Variants in FAM185A observed in about 807,000 individuals in gnomAD.
The protein encoded by FAM185A is family with sequence similarity 185 member A.
Under a neutral mutation model 45.7 loss-of-function variants are expected in FAM185A, and 21 were observed. The observed-to-expected ratio is 0.46, with a 90% CI of 0.33 to 0.66. FAM185A has a LOEUF of 0.66. FAM185A is among the 30% of genes least tolerant of loss of function. The pLI is 0.03. For missense variants in FAM185A, 305 were observed against 485.4 expected, an observed-to-expected ratio of 0.63 and a Z score of 3.49; for synonymous variants, 117 against 194.0, an observed-to-expected ratio of 0.60 and a Z score of 3.30.
intron 2 of FAM185A, among the ~76,000 whole-genome samples, chr7:102,757,012 A>G (rs962085899): frequency 1.3e-5 from 2 of 149,134 alleles, no homozygotes; most frequent in Non-Finnish European, 3.0e-5. Flanking sequence ...TTGGAAAAAA[A>G]TGGATTTTGA....
intron 4 of FAM185A, among the ~76,000 whole-genome samples, chr7:102,769,291 T>C (rs1794600638): frequency 6.6e-6 from 1 of 151,658 alleles, no homozygotes; most frequent in Non-Finnish European, 1.5e-5. Context: ...ACTCTATAGG[T>C]CCCACTATAA....
the FAM185A span, among the ~76,000 whole-genome samples, chr7:102,819,703 C>G: frequency 1.3e-5 from 2 of 152,182 alleles, no homozygotes; most frequent in South Asian, 2.1e-4. Context: ...AAAAATCTCT[C>G]TTATCCCACC....
the FAM185A span, among the ~76,000 whole-genome samples, chr7:102,820,698 C>A: frequency 6.6e-6 from 1 of 152,122 alleles, no homozygotes; most frequent in East Asian, 1.9e-4. Context: ...GCTGGGAAGT[C>A]CAATATCATC....
chr7:102,827,732 T>A, the FAM185A span, among the ~76,000 whole-genome samples: 2 of 152,118 alleles, frequency 1.3e-5, no homozygotes, highest in South Asian at 4.1e-4. Flanking sequence ...TGTGTCCATG[T>A]GTTCTCATTG....
the FAM185A span, among the ~76,000 whole-genome samples, chr7:102,827,958 C>A: frequency 6.6e-6 from 1 of 152,086 alleles, no homozygotes; most frequent in Admixed American, 6.5e-5. Context: ...GTTTTGGTAC[C>A]AGTACCATGC....
intron 7 of FAM185A, among the ~76,000 whole-genome samples, chr7:102,801,792 G>A (rs1796808891): frequency 1.3e-5 from 2 of 152,016 alleles, no homozygotes; most frequent in African/African-American, 4.8e-5. Flanking sequence ...AGGCGTGGTG[G>A]CGGGCACCTG....
At chr7:102,758,992 C>T (rs1363621882) in intron 3 of FAM185A, among the ~76,000 whole-genome samples, 2 of 152,038 alleles carry the variant, frequency 1.3e-5, no homozygotes, top group Non-Finnish European at 2.9e-5. Flanking sequence ...TTCTCTTAGA[C>T]CCCGTGGGAG....
At chr7:102,786,082 G>A (rs1345851021) in intron 6 of FAM185A, among the ~76,000 whole-genome samples, 5 of 152,100 alleles carry the variant, frequency 3.3e-5, no homozygotes, top group Non-Finnish European at 5.9e-5. Flanking sequence ...ATGAAAAAAT[G>A]CTCATCATCA....
intron 4 of FAM185A, among the ~76,000 whole-genome samples, chr7:102,761,800 A>T (rs3987947): frequency 0.085 from 12,888 of 151,586 alleles, 782 homozygotes; most frequent in East Asian, 0.2. Flanking sequence ...AGAAGCTGGG[A>T]CTACAGGTGT....
chr7:102,822,174 C>T, the FAM185A span: 51 of 1,613,918 alleles, frequency 3.2e-5, no homozygotes, highest in East Asian at 3.3e-4. Context: ...GGCATTTTGC[C>T]GATAACATCT....
chr7:102,757,120 A>G (rs1240291682), intron 2 of FAM185A, among the ~76,000 whole-genome samples: 5 of 151,070 alleles, frequency 3.3e-5, no homozygotes, highest in Non-Finnish European at 7.4e-5. Flanking sequence ...CTTGCAGAAT[A>G]GGCTAACTGG....
the FAM185A span, among the ~76,000 whole-genome samples, chr7:102,817,716 C>T: frequency 7.8e-4 from 118 of 152,246 alleles, 2 homozygotes; most frequent in East Asian, 0.018. Flanking sequence ...GTGTGATCAG[C>T]ACATGGGAGC....
chr7:102,833,084 G>C, the FAM185A span: 1 of 1,118,116 alleles, frequency 8.9e-7, no homozygotes, highest in Non-Finnish European at 1.3e-6. Context: ...ACAGATGTTA[G>C]ATCTTGATGC....
chr7:102,843,304 G>T, the FAM185A span, among the ~76,000 whole-genome samples: 1 of 151,710 alleles, frequency 6.6e-6, no homozygotes, highest in Non-Finnish European at 1.5e-5. Flanking sequence ...TTACCTGGGC[G>T]TGGTGGCGCA....
At chr7:102,820,591 G>A in the FAM185A span, among the ~76,000 whole-genome samples, 1 of 152,204 alleles carries the variant, frequency 6.6e-6, no homozygotes, top group South Asian at 2.1e-4. Context: ...ATACTTCAGT[G>A]TCCCATATGT....
the FAM185A span, among the ~76,000 whole-genome samples, chr7:102,826,620 G>A: frequency 1.3e-5 from 2 of 149,128 alleles, no homozygotes. Context: ...AGCTACTCAG[G>A]AGGCTGAGGT....
chr7:102,845,139 G>T, the FAM185A span, among the ~76,000 whole-genome samples: 2,748 of 152,142 alleles, frequency 0.018, 99 homozygotes, highest in African/African-American at 0.062. Flanking sequence ...TCAATCTCCA[G>T]CCCCTCTCCC....
rs549247108 is a variant in FAM185A, at chr7:102,782,746, T to C, written c.932-4589T>C. On this transcript the variant is annotated intron_variant, in intron 6 of 7. Transcript: ENST00000413034. ...GCTAGGAAGAAACTGCATCAACTAA[T>C]GAGCAAAATAACCAGCTAACATCAT... Among the ~76,000 whole-genome samples the C allele has an allele frequency of 6.4e-4, 98 of 152,170 alleles. 3 individuals are homozygous for C. In the South Asian group the frequency reaches 0.019, roughly 30 times the overall value.
intron 2 of FAM185A, among the ~76,000 whole-genome samples, chr7:102,753,847 G>A (rs1008826122): frequency 8.6e-5 from 13 of 151,984 alleles, no homozygotes; most frequent in Non-Finnish European, 1.8e-4. Flanking sequence ...AAAGAGTTTT[G>A]TTCTATTTTT....
Sources: allele counts gnomAD v4.1 joint callset (sites outside exome capture counted in the v4.1 genomes callset), GRCh38; gene constraint gnomAD v4.1.1; transcripts MANE v1.5; gene names NCBI Gene and HGNC (gene_info 2026-07-23, HGNC 2026-07-21).